The following RELT variants were observed in gnomAD, a reference collection of about 807,000 sequenced individuals.
The protein encoded by RELT is tumor necrosis factor receptor superfamily member 19L.
In RELT, 37 loss-of-function variants were observed where a neutral mutation model predicts 51.1. The ratio of observed to expected loss-of-function variants is 0.72; its 90% CI spans 0.56 to 0.95. The LOEUF (loss-of-function observed/expected upper bound fraction) is 0.95, where lower values mean the gene tolerates loss of function less well. Ranked by LOEUF, RELT falls within the 40% of genes least tolerant of loss-of-function variation. RELT has a pLI of 0.00. For synonymous variants in RELT, 241 were observed against 235.7 expected, an observed-to-expected ratio of 1.02 and a Z score of -0.21; for missense variants, 535 against 572.6, an observed-to-expected ratio of 0.93 and a Z score of 0.67.
Position 73,388,348 on chromosome 11 carries a change from TGACAAA to T in RELT, c.-25-759_-25-754del, listed in dbSNP as rs1454178474. Among the ~76,000 whole-genome samples the T allele has an allele frequency of 6.6e-6, 1 of 152,126 alleles. No homozygotes were observed. Among genetic ancestry groups the T allele is most frequent in the Non-Finnish European group, 1.5e-5 (1 of 68,014 alleles). ...CCGCACGCAGTAGGTGCTGGAGAGA[TGACAAA>T]GACAGAGCACTGGCTGCCGTGACCA... On this transcript the variant is annotated intron_variant, in intron 1 of 10. Coordinates refer to ENST00000064780, the MANE Select transcript of RELT (RefSeq NM_152222.2). The surrounding 1 kb of genome is among the most constrained non-coding windows in gnomAD (Gnocchi z 4.1).
Position 73,389,111 on chromosome 11 carries a change from G to C in RELT, c.-25-1G>C, listed in dbSNP as rs1866170091. ...CCGAGCCTCCTCTCCATCTGCCCTA[G>C]GCCGGCGACCACCAGGGGCCTGAGG... On this transcript the variant is annotated splice_acceptor_variant, in intron 1 of 10. Transcript: ENST00000064780. LOFTEE classifies it low-confidence loss of function (5UTR_SPLICE). 6.5e-7 allele frequency: 1 copy of C among 1,531,306 alleles called. No homozygotes were observed. The highest frequency in any genetic ancestry group is 1.4e-5 in the African/African-American group (1 of 72,622). 94.9% of individuals were successfully genotyped at this position (1,531,306 alleles called of 1,614,324 possible).
At chr11:73,395,017 G>A (rs942442540) in intron 9 of RELT, 70 bp from the exon 10 acceptor site, 47 of 1,361,296 alleles carry the variant, frequency 3.5e-5, no homozygotes, top group Non-Finnish European at 3.7e-5. Flanking sequence ...GTGTGACCCC[G>A]GGCACGTGCT....
rs565121942 is a variant in RELT, at chr11:73,388,073, G to A, written c.-25-1039G>A. On this transcript the variant is annotated intron_variant, in intron 1 of 10. Coordinates refer to ENST00000064780, the MANE Select transcript of RELT (RefSeq NM_152222.2). The surrounding 1 kb of genome is among the most constrained non-coding windows in gnomAD (Gnocchi z 4.1). Reference sequence around the variant, plus strand: ...GCTGTGTCCGCCTCGTCCACTGGCCGGAGGCTTCTCCAGAGCAGGCCACCG... The same window carrying A: ...GCTGTGTCCGCCTCGTCCACTGGCCAGAGGCTTCTCCAGAGCAGGCCACCG... 4.6e-5 allele frequency among the ~76,000 whole-genome samples: 7 copies of A among 152,178 alleles called. No homozygotes were observed. Among genetic ancestry groups the A allele is most frequent in the Non-Finnish European group, 1.0e-4 (7 of 68,016 alleles).
rs549155464 is a variant in RELT, at chr11:73,390,663, G to A, written c.120+38G>A. ...CTGCTCTCCTGCCTGTCCTGGGAGG[G>A]CCCTGAGGGCCAGGGGCAGAGTCCT... On this transcript the variant is annotated intron_variant, in intron 3 of 10. Coordinates refer to ENST00000064780, the MANE Select transcript of RELT (RefSeq NM_152222.2). 55 of 1,611,996 alleles carry A rather than the reference G, an allele frequency of 3.4e-5. 1 individual carries two copies. The South Asian group carries it at 5.7e-4, about 17-fold the overall frequency.
chr11:73,389,103 C>G lies in RELT; in HGVS notation c.-25-9C>G, dbSNP rs2134448253. The stretch of plus-strand genomic sequence containing the variant: ...CCGCTCTGCCGAGCCTCCTCTCCAT[C>G]TGCCCTAGGCCGGCGACCACCAGGG... On this transcript the variant is annotated splice_polypyrimidine_tract_variant and intron_variant, in intron 1 of 10. Transcript: ENST00000064780. The G allele has an allele frequency of 6.7e-7, 1 of 1,497,004 alleles. No individual in the cohort carries two copies. Among genetic ancestry groups the G allele is most frequent in the South Asian group, 1.2e-5 (1 of 83,152 alleles). 92.7% of individuals were successfully genotyped at this position (1,497,004 alleles called of 1,614,324 possible).
chr11:73,391,055 A>G, intron 4 of RELT, 89 bp from the exon 5 acceptor site: 2 of 1,524,348 alleles, frequency 1.3e-6, no homozygotes, highest in Non-Finnish European at 1.8e-6. Context: ...AGGACCACGG[A>G]GGGTGCCTGG....
At chr11:73,391,026 C>T (rs1590736001) in intron 4 of RELT, 105 bp downstream of exon 4, 3 of 1,514,500 alleles carry the variant, frequency 2.0e-6, no homozygotes, top group East Asian at 4.5e-5. Context: ...TTCTTCCCAT[C>T]TGTGAAATGG....
intron 1 of RELT, among the ~76,000 whole-genome samples, chr11:73,378,615 C>G (rs1241379138): frequency 1.3e-5 from 2 of 152,228 alleles, no homozygotes; most frequent in Non-Finnish European, 2.9e-5. Context: ...GGACTTCTGT[C>G]TCTCAAACTT....
chr11:73,387,419 A>G (rs1866143224), intron 1 of RELT, among the ~76,000 whole-genome samples: 1 of 152,246 alleles, frequency 6.6e-6, no homozygotes, highest in Non-Finnish European at 1.5e-5. Context: ...ACAAGGGCAC[A>G]GGACACTTTG....
chr11:73,377,548 C>A (rs1211757247), intron 1 of RELT, among the ~76,000 whole-genome samples: 1 of 151,894 alleles, frequency 6.6e-6, no homozygotes, highest in Non-Finnish European at 1.5e-5. Flanking sequence ...AGGGTAGGGG[C>A]CCTGTGGTAG....
intron 1 of RELT, among the ~76,000 whole-genome samples, chr11:73,386,074 A>G (rs1057475842): frequency 2.6e-5 from 4 of 152,278 alleles, no homozygotes; most frequent in Non-Finnish European, 5.9e-5. Flanking sequence ...CAGCCATGCC[A>G]GCAAGATGAA....
At chr11:73,380,314 A>G (rs1038207758) in intron 1 of RELT, among the ~76,000 whole-genome samples, 2 of 152,144 alleles carry the variant, frequency 1.3e-5, no homozygotes, top group Non-Finnish European at 2.9e-5. Flanking sequence ...CTGAGGCAGA[A>G]TGTGTGCTGG....
chr11:73,393,843 A>G lies in RELT; in HGVS notation c.632A>G (p.Asn211Ser). The change falls in exon 7 of 11, where the codon AAC (asparagine) becomes AGC (serine). Residue 211 changes from asparagine to serine, a missense_variant. By Grantham distance (46) the Asn-to-Ser change is conservative. Transcript: ENST00000064780. ...GGGCCCTTCTCTTCCCCAGGAATCA[A>G]CCCTGCCTACCGGACTGAGGATGCC... The part of the protein sequence containing the change: ...PGPGGGGSGI[N>S]PAYRTEDANE... 1 of 1,613,874 alleles carries G rather than the reference A, an allele frequency of 6.2e-7. No homozygotes were observed. The highest frequency in any genetic ancestry group is 8.5e-7 in the Non-Finnish European group (1 of 1,179,918).
Position 73,394,237 on chromosome 11 carries a change from G to T in RELT, c.708G>T (p.Glu236Asp). ...VLVRLITEKK[E>D]NAAALEELLK... is the part of the protein sequence containing the mutation. ...GGGTCTGACTGCAGCTACCCACAGA[G>T]AATGCTGCGGCCCTGGAGGAGCTGC... Residue 236 changes from glutamate (E) to aspartate (D), a missense_variant and splice_region_variant, in exon 8 of 11, where the codon GAG becomes GAT. Transcript: ENST00000064780. The surrounding 1 kb of genome is among the most constrained non-coding windows in gnomAD (Gnocchi z 4.9). 1 of 1,603,556 alleles carries T rather than the reference G, an allele frequency of 6.2e-7. No homozygotes were observed. The highest frequency in any genetic ancestry group is 2.2e-5 in the East Asian group (1 of 44,526).
intron 1 of RELT, among the ~76,000 whole-genome samples, chr11:73,377,539 G>C (rs1040207682): frequency 6.6e-6 from 1 of 152,032 alleles, no homozygotes; most frequent in African/African-American, 2.4e-5. Flanking sequence ...GATGGCAGCA[G>C]GGTAGGGGCC....
At chr11:73,392,134 C>T (rs1047681625) in intron 5 of RELT, 77 bp from the exon 6 acceptor site, 26 of 1,511,222 alleles carry the variant, frequency 1.7e-5, no homozygotes, top group Non-Finnish European at 2.1e-5. Context: ...CCCCCACTGA[C>T]TCGGGCCCTG....
intron 6 of RELT, 52 bp downstream of exon 6, chr11:73,392,520 C>T: frequency 6.3e-7 from 1 of 1,577,498 alleles, no homozygotes; most frequent in East Asian, 2.3e-5. Flanking sequence ...GAGCCCAGCC[C>T]CAGCTCCACT....
At position 73,395,893 on chromosome 11, in the gene RELT, G is replaced by A. The variant is rs1020618264; in HGVS notation, c.*402G>A. ...TTAGCCACACCCTTGCCTCTGTACA[G>A]GGCCCTAGAGCAGATGTGCGTCCCC... On this transcript the variant is annotated 3_prime_UTR_variant, in exon 11 of 11. Coordinates refer to ENST00000064780, the MANE Select transcript of RELT (RefSeq NM_152222.2). 4 of 276,912 alleles carry A rather than the reference G, an allele frequency of 1.4e-5. No homozygotes were observed. Among genetic ancestry groups the A allele is most frequent in the African/African-American group, 2.2e-5 (1 of 45,844 alleles). The allele number at this position is 276,912 out of a possible 1,614,324, so 17.2% of individuals were successfully genotyped here.
Position 73,395,197 on chromosome 11 carries a change from C to G in RELT, c.1157C>G (p.Pro386Arg). 1 of 1,613,296 alleles carries G rather than the reference C, an allele frequency of 6.2e-7. No individual in the cohort carries two copies. The highest frequency in any genetic ancestry group is 8.5e-7 in the Non-Finnish European group (1 of 1,179,942). The change falls in exon 10 of 11, where the codon CCT (proline) becomes CGT (arginine). Residue 386 changes from proline (P) to arginine (R), a missense_variant. Pro to Arg is a moderately radical substitution (Grantham distance 103). Transcript: ENST00000064780. Reference sequence around the variant, plus strand: ...GGTGATCTCCCTGACTCCCCACAGCCTGGCCTCCCCCCTGAGCAGCAGGCC... The same window carrying G: ...GGTGATCTCCCTGACTCCCCACAGCGTGGCCTCCCCCCTGAGCAGCAGGCC... ...SWGDLPDSPQ[P>R]GLPPEQQALL...
Sources: gnomAD v4.1 joint callset for allele counts (sites outside exome capture counted in the v4.1 genomes callset) on GRCh38, gnomAD v4.1.1 for gene constraint, Gnocchi (gnomAD v3.1) non-coding constraint, MANE v1.5 for transcripts, NCBI Gene and HGNC (gene_info 2026-07-23, HGNC 2026-07-21) for gene names.